BEST1: variants seen among roughly 807,000 people sequenced by gnomAD.
The protein encoded by BEST1 is bestrophin 1.
Under a neutral mutation model 63.3 loss-of-function variants are expected in BEST1, and 58 were observed. The ratio of observed to expected loss-of-function variants is 0.92; its 90% CI spans 0.74 to 1.14. The LOEUF is 1.14. Among genes scored for constraint, BEST1 ranks in the 50% most tolerant of loss-of-function variants. The pLI is 0.00. For missense variants in BEST1, 671 were observed against 740.1 expected (o/e 0.91, Z 1.08); for synonymous variants, 283 against 291.6 (o/e 0.97, Z 0.30).
At chr11:61,961,454 A>C (rs908484391) in intron 9 of BEST1, 1 of 152,424 alleles carries the variant, frequency 6.6e-6, no homozygotes, top group Admixed American at 6.5e-5. Flanking sequence ...TTTCTGGAGG[A>C]TGACTTTGAG....
chr11:61,964,046 G>A (rs1942353548), intron 10 of BEST1, 58 bp from the exon 11 acceptor site: 13 of 1,611,026 alleles, frequency 8.1e-6, no homozygotes, highest in Non-Finnish European at 1.1e-5. Context: ...CAACATTTTG[G>A]TATTTGAAAT....
intron 4 of BEST1, 39 bp downstream of exon 4, chr11:61,955,990 G>C (rs1425488716): frequency 2.0e-6 from 3 of 1,527,008 alleles, no homozygotes; most frequent in Non-Finnish European, 2.6e-6. Flanking sequence ...ACCGGGCAGA[G>C]CCAGGGGCCG....
chr11:61,957,385 A>G lies in BEST1; in HGVS notation c.637-2A>G. The G allele has an allele frequency of 2.0e-6, 3 of 1,513,326 alleles. No homozygotes were observed. The highest frequency in any genetic ancestry group is 2.8e-6 in the Non-Finnish European group (3 of 1,088,998). 93.7% of individuals were successfully genotyped at this position (1,513,326 alleles called of 1,614,324 possible). A position where few individuals can be genotyped will look rare whatever the true frequency, so the allele number is the denominator to read the frequency against. The stretch of plus-strand genomic sequence containing the variant: ...ACCCCATCCCCCTCTTCTGCCCCCC[A>G]GGAGATGAACACCTTGCGTACTCAG... On this transcript the variant is annotated splice_acceptor_variant, in intron 5 of 10. Coordinates refer to ENST00000378043, the MANE Select transcript of BEST1 (RefSeq NM_004183.4). LOFTEE classifies it high-confidence loss of function.
chr11:61,962,982 T>C, intron 10 of BEST1, 89 bp downstream of exon 10: 4 of 1,608,458 alleles, frequency 2.5e-6, no homozygotes, highest in Non-Finnish European at 3.4e-6. Flanking sequence ...CCTCCACAAT[T>C]TCCTAGGGTT....
chr11:61,964,827 T>C (rs370763150), downstream of BEST1: 121 of 1,600,814 alleles, frequency 7.6e-5, no homozygotes, highest in Non-Finnish European at 1.0e-4. Context: ...GGTCACGTGG[T>C]CACCCAATTC....
chr11:61,957,032 G>A (rs996005390), intron 5 of BEST1, 34 bp downstream of exon 5: 4 of 1,613,778 alleles, frequency 2.5e-6, no homozygotes, highest in Non-Finnish European at 3.4e-6. Context: ...CTGCCGCAGA[G>A]TGGGAAGGGC....
intron 10 of BEST1, chr11:61,963,830 C>T: frequency 1.6e-6 from 2 of 1,275,726 alleles, no homozygotes; most frequent in Non-Finnish European, 2.0e-6. Flanking sequence ...ATGATGAAAC[C>T]CCATCTCTAC....
At chr11:61,964,771 G>A, downstream of BEST1, 2 of 1,599,690 alleles carry the variant, frequency 1.3e-6, no homozygotes, top group Non-Finnish European at 1.7e-6. Flanking sequence ...TTGTCAAAGA[G>A]ATATTCCGCC....
Position 61,955,700 on chromosome 11 carries a change from C to A in BEST1, c.248-18C>A. 1 of 1,544,456 alleles carries A rather than the reference C, an allele frequency of 6.5e-7. No homozygotes were observed. The highest frequency in any genetic ancestry group is 1.2e-5 in the South Asian group (1 of 83,878). ...CAGCCTGGCCCCTCGCCCCTCGCCCCCCGCCCCTCCTGCCCAGGCTTCTAC... is the reference window on the plus strand; with the variant it reads ...CAGCCTGGCCCCTCGCCCCTCGCCCACCGCCCCTCCTGCCCAGGCTTCTAC... On this transcript the variant is annotated intron_variant, in intron 3 of 10. Coordinates refer to ENST00000378043, the MANE Select transcript of BEST1 (RefSeq NM_004183.4).
chr11:61,958,571 C>G, intron 7 of BEST1: 1 of 806,778 alleles, frequency 1.2e-6, no homozygotes, highest in Non-Finnish European at 2.0e-6. Flanking sequence ...AAAACAACAA[C>G]AACAACAAAA....
At position 61,964,255 on chromosome 11, in the gene BEST1, T is replaced by C. The variant is rs1801621; in HGVS notation, c.*133T>C. The C allele has an allele frequency of 0.035, 53,728 of 1,527,162 alleles. 1,215 individuals carry two copies. Among genetic ancestry groups the C allele is most frequent in the Non-Finnish European group, 0.04 (45,088 of 1,131,844 alleles). The allele number at this position is 1,527,162 out of a possible 1,614,324, so 94.6% of individuals were successfully genotyped here. ...TCCTACAACAGCCTGAATCAAATGG[T>C]TAGCTTAATAGATAAAAATCCCAGA... On this transcript the variant is annotated 3_prime_UTR_variant, in exon 11 of 11. Transcript: ENST00000378043.
chr11:61,951,625 G>T, intron 1 of BEST1, 146 bp from the exon 2 acceptor site: 1 of 771,880 alleles, frequency 1.3e-6, no homozygotes, highest in Non-Finnish European at 2.1e-6. Context: ...AAGGCAGTCA[G>T]AACTGGCAGG....
intron 2 of BEST1, chr11:61,954,884 C>G: frequency 8.1e-6 from 8 of 985,404 alleles, no homozygotes; most frequent in Non-Finnish European, 9.6e-6. Context: ...GAGGATTCTC[C>G]CCACAAGAAA....
intron 7 of BEST1, chr11:61,958,561 A>G (rs565199883): frequency 2.0e-4 from 167 of 846,174 alleles, no homozygotes; most frequent in Non-Finnish European, 2.7e-4. Context: ...CTCTATCTCA[A>G]AAACAACAAC....
intron 9 of BEST1, chr11:61,960,393 C>T (rs1047808399): frequency 1.7e-5 from 6 of 355,508 alleles, no homozygotes; most frequent in Non-Finnish European, 2.7e-5. Context: ...CTTTTTGAGA[C>T]AGTATCTCGC....
intron 9 of BEST1, 27 bp from the exon 10 acceptor site, chr11:61,962,228 A>G (rs1383136795): frequency 6.2e-7 from 1 of 1,612,592 alleles, no homozygotes; most frequent in Non-Finnish European, 8.5e-7. Context: ...CCACTGGCTC[A>G]GCCCTGCATC....
At chr11:61,957,559 A>G in intron 6 of BEST1, 95 bp downstream of exon 6, 1 of 1,226,224 alleles carries the variant, frequency 8.2e-7, no homozygotes, top group African/African-American at 1.5e-5. Flanking sequence ...CTAGAGGCTA[A>G]GTGGCTCCCC....
downstream of BEST1, chr11:61,965,215 C>A (rs1942424037): frequency 6.3e-7 from 1 of 1,593,756 alleles, no homozygotes; most frequent in African/African-American, 1.3e-5. Flanking sequence ...TTACTATTTG[C>A]CTAATTTAGT....
chr11:61,959,356 C>T (rs2134452383), intron 7 of BEST1, 142 bp from the exon 8 acceptor site: 2 of 782,432 alleles, frequency 2.6e-6, no homozygotes, highest in East Asian at 2.7e-5. Context: ...GGGGCTGGAG[C>T]CCTAAACTCT....
Sources: gnomAD v4.1 joint callset for allele counts on GRCh38, gnomAD v4.1.1 for gene constraint, MANE v1.5 for transcripts, NCBI Gene and HGNC (gene_info 2026-07-23, HGNC 2026-07-21) for gene names.